The following AACS variants were observed in gnomAD, a reference collection of about 807,000 sequenced individuals.
The protein encoded by AACS is acetoacetate-CoA ligase.
Under a neutral mutation model 83.1 loss-of-function variants are expected in AACS, and 69 were observed. That is an observed-to-expected ratio of 0.83 (90% CI 0.68 to 1.01). The LOEUF (loss-of-function observed/expected upper bound fraction) is 1.01. Among genes scored for constraint, AACS ranks in the 50% least tolerant of loss-of-function variants. AACS has a pLI of 0.00. For missense variants in AACS, 866 were observed against 882.2 expected, an observed-to-expected ratio of 0.98 and a Z score of 0.23; for synonymous variants, 333 against 343.4, an observed-to-expected ratio of 0.97 and a Z score of 0.33.
At chr12:125,086,504 T>C in intron 4 of AACS, 61 bp downstream of exon 4, 1 of 1,494,714 alleles carries the variant, frequency 6.7e-7, no homozygotes. Context: ...ATGGGTGATG[T>C]GAAGGTCAAG....
intron 10 of AACS, 126 bp from the exon 11 acceptor site, chr12:125,124,579 T>G: frequency 9.2e-7 from 1 of 1,092,456 alleles, no homozygotes; most frequent in Non-Finnish European, 1.3e-6. Flanking sequence ...AAGTATGAGT[T>G]CAACCCAGAA....
chr12:125,085,370 G>A (rs781583985), intron 3 of AACS, among the ~76,000 whole-genome samples: 7 of 152,166 alleles, frequency 4.6e-5, no homozygotes, highest in Non-Finnish European at 8.8e-5. Flanking sequence ...CCACGCACGT[G>A]CACGTTGCAT....
At chr12:125,073,707 G>A (rs1192322661) in intron 1 of AACS, among the ~76,000 whole-genome samples, 169 bp from the exon 2 acceptor site, 2 of 152,154 alleles carry the variant, frequency 1.3e-5, no homozygotes, top group East Asian at 1.9e-4. Flanking sequence ...GGGACTAGTG[G>A]TGTTGGGTTT....
At chr12:125,105,452 C>G (rs1361409943) in intron 7 of AACS, 1 of 152,224 alleles carries the variant, frequency 6.6e-6, no homozygotes, top group East Asian at 1.9e-4. Flanking sequence ...GGCTTTCTTT[C>G]ATGCAACCTC....
intron 5 of AACS, among the ~76,000 whole-genome samples, chr12:125,091,968 C>T (rs1280706756): frequency 2.0e-5 from 3 of 152,230 alleles, no homozygotes; most frequent in African/African-American, 4.8e-5. Context: ...CCTCTGGACC[C>T]GTACTGTGTG....
In AACS at chr12:125,131,889, G is replaced by C. The variant is rs372211227; in HGVS notation, c.1550-2114G>C. 2.5e-3 allele frequency among the ~76,000 whole-genome samples: 376 copies of C among 152,318 alleles called. 6 individuals are homozygous for C. The highest frequency in any genetic ancestry group is 8.6e-3 in the African/African-American group (357 of 41,562). ...TGGGATTACAGGCGTGAGCCACCAGGCCTGACCACTTTTTATTATTTTTAA... is the reference window on the plus strand; with the variant it reads ...TGGGATTACAGGCGTGAGCCACCAGCCCTGACCACTTTTTATTATTTTTAA... On this transcript the variant is annotated intron_variant, in intron 14 of 17. Transcript: ENST00000316519.
At position 125,105,018 on chromosome 12, in the gene AACS, C is replaced by G. The variant is rs1379990716; in HGVS notation, c.767+1937C>G. 3 of 151,572 alleles carry G rather than the reference C, an allele frequency of 2.0e-5. No individual in the cohort carries two copies. In the East Asian group the frequency reaches 5.8e-4, roughly 29 times the overall value. 9.4% of individuals were successfully genotyped at this position (151,572 alleles called of 1,614,324 possible). A position where few individuals can be genotyped will look rare whatever the true frequency, so the allele number is the denominator to read the frequency against. On this transcript the variant is annotated intron_variant, in intron 7 of 17. Coordinates refer to ENST00000316519, the MANE Select transcript of AACS (RefSeq NM_023928.5). ...GTGGAGGGGGTCGGGGGGCGGGGTG[C>G]CACACACTTTTCAATGACCAGCTCT...
At chr12:125,117,372 C>CCACT (rs1465461287) in intron 9 of AACS, among the ~76,000 whole-genome samples, 1 of 152,046 alleles carries the variant, frequency 6.6e-6, no homozygotes, top group Non-Finnish European at 1.5e-5. Flanking sequence ...CGAGATTGTG[C>CCACT]CACTGCACTC....
At position 125,129,265 on chromosome 12, in the gene AACS, AAGAG is replaced by A. The variant is rs901030666; in HGVS notation, c.1424-62_1424-59del. On this transcript the variant is annotated intron_variant, in intron 13 of 17. Coordinates refer to ENST00000316519, the MANE Select transcript of AACS (RefSeq NM_023928.5). This position sits in a 1 kb window ranked among gnomAD's most constrained non-coding sequence, Gnocchi z 4.3. Reference sequence around the variant, plus strand: ...TTGCATAATAAGTAATAGCTTAAGAAAGAGAGAGAGACAGCCAGGGTGTGTGGCT... The same window carrying A: ...TTGCATAATAAGTAATAGCTTAAGAAAGAGAGACAGCCAGGGTGTGTGGCT... The A allele has an allele frequency of 9.8e-6, 15 of 1,536,660 alleles. No homozygotes were observed. The African/African-American group carries it at 1.4e-4, about 14-fold the overall frequency.
intron 9 of AACS, among the ~76,000 whole-genome samples, chr12:125,115,771 G>A (rs1957042924): frequency 6.6e-6 from 1 of 151,812 alleles, no homozygotes; most frequent in Non-Finnish European, 1.5e-5. Flanking sequence ...TCAGACCCCT[G>A]GGACTGCACA....
chr12:125,092,154 C>T (rs1201507227), intron 5 of AACS, among the ~76,000 whole-genome samples: 1 of 152,218 alleles, frequency 6.6e-6, no homozygotes, highest in Admixed American at 6.5e-5. Flanking sequence ...CTTCCTGGGG[C>T]CCCCACTCCC....
In AACS at chr12:125,142,407, C is replaced by T. The variant is rs1038691172; in HGVS notation, c.*178C>T. On this transcript the variant is annotated 3_prime_UTR_variant, in exon 18 of 18. Coordinates refer to ENST00000316519, the MANE Select transcript of AACS (RefSeq NM_023928.5). ...AAATCTGGTGGGTACCTGGATCTTCCACACGAGTGGGATTCTGGCCTTCAG... is the reference window on the plus strand; with the variant it reads ...AAATCTGGTGGGTACCTGGATCTTCTACACGAGTGGGATTCTGGCCTTCAG... The T allele has an allele frequency of 1.2e-6, 1 of 866,260 alleles. No homozygotes were observed. Among genetic ancestry groups the T allele is most frequent in the Middle Eastern group, 3.4e-4 (1 of 2,942 alleles). The allele number at this position is 866,260 out of a possible 1,614,324, so 53.7% of individuals were successfully genotyped here.
chr12:125,135,137 C>CTTTTTTT (rs746998324), intron 16 of AACS, among the ~76,000 whole-genome samples: 1 of 144,330 alleles, frequency 6.9e-6, no homozygotes, highest in African/African-American at 2.5e-5. Context: ...TCTATCTACT[C>CTTTTTTT]TTTTTTTTTT....
At chr12:125,067,391 C>T (rs1955731168) in intron 1 of AACS, among the ~76,000 whole-genome samples, 1 of 152,214 alleles carries the variant, frequency 6.6e-6, no homozygotes, top group Admixed American at 6.5e-5. Flanking sequence ...CATCTGTTTC[C>T]TCTGCCAGCA....
At chr12:125,082,727 A>G (rs1002525120) in intron 3 of AACS, among the ~76,000 whole-genome samples, 7 of 152,080 alleles carry the variant, frequency 4.6e-5, no homozygotes, top group South Asian at 2.1e-4. Flanking sequence ...AGGCTGAGGC[A>G]GGAGAATTGC....
Position 125,103,055 on chromosome 12 carries a change from C to T in AACS, c.741C>T (p.Asn247=), listed in dbSNP as rs534525356. 4.3e-6 allele frequency: 7 copies of T among 1,614,084 alleles called. No homozygotes were observed. Among genetic ancestry groups the T allele is most frequent in the Middle Eastern group, 1.6e-4 (1 of 6,062 alleles). The change falls in exon 7 of 18, where the codon AAC becomes AAT. Residue 247 remains asparagine (N), a synonymous_variant. Coordinates refer to ENST00000316519, the MANE Select transcript of AACS (RefSeq NM_023928.5). ...TTCCTTATGTGTCCTCCAGAGAGAA[C>T]ATAGACCTTTCAAAGATTCCAAACA... ...VVIPYVSSRE[N]IDLSKIPNSV... is the part of the protein sequence containing the mutation.
chr12:125,116,701 A>G (rs890371682), intron 9 of AACS, among the ~76,000 whole-genome samples: 43 of 151,846 alleles, frequency 2.8e-4, no homozygotes, highest in African/African-American at 1.0e-3. Flanking sequence ...TCCTGACCTC[A>G]TGATCCGCCT....
chr12:125,095,626 A>G (rs1956590912), intron 5 of AACS, among the ~76,000 whole-genome samples: 1 of 151,462 alleles, frequency 6.6e-6, no homozygotes, highest in African/African-American at 2.4e-5. Flanking sequence ...CTCTGTTCAG[A>G]ACAGCCTCTT....
At chr12:125,086,743 G>A (rs768060285) in intron 4 of AACS, among the ~76,000 whole-genome samples, 2 of 151,328 alleles carry the variant, frequency 1.3e-5, no homozygotes, top group South Asian at 2.1e-4. Flanking sequence ...GGATGAAGGC[G>A]CATTCAATAT....
Sources: gnomAD v4.1 joint callset for allele counts (sites outside exome capture counted in the v4.1 genomes callset) on GRCh38, gnomAD v4.1.1 for gene constraint, Gnocchi (gnomAD v3.1) non-coding constraint, MANE v1.5 for transcripts, NCBI Gene and HGNC (gene_info 2026-07-23, HGNC 2026-07-21) for gene names.